The following CFAP299 variants were observed in gnomAD, a reference collection of about 807,000 sequenced individuals.
The protein encoded by CFAP299 is cilia- and flagella-associated protein 299.
CFAP299 carries 21 observed loss-of-function variants against 27.0 expected under a neutral mutation model. The observed-to-expected ratio is 0.78, with a 90% confidence interval of 0.55 to 1.12. The LOEUF (loss-of-function observed/expected upper bound fraction) is 1.12, where lower values mean the gene tolerates loss of function less well. Among genes scored for constraint, CFAP299 ranks in the 50% most tolerant of loss-of-function variants. The pLI, the probability that CFAP299 is intolerant of heterozygous loss-of-function variation, is 0.00. For synonymous variants in CFAP299, 104 were observed against 98.1 expected (o/e 1.06, Z -0.36); for missense variants, 310 against 276.6 (o/e 1.12, Z -0.86).
At chr4:80,410,417 G>T (rs1269093962) in intron 2 of CFAP299, among the ~76,000 whole-genome samples, 2 of 152,200 alleles carry the variant, frequency 1.3e-5, no homozygotes, top group African/African-American at 4.8e-5. Flanking sequence ...CTATGCATGT[G>T]TTTTTCACCC....
At chr4:80,565,151 A>C (rs1003858505) in intron 2 of CFAP299, among the ~76,000 whole-genome samples, 2 of 151,998 alleles carry the variant, frequency 1.3e-5, no homozygotes, top group Non-Finnish European at 2.9e-5. Flanking sequence ...TTCCAAGCAT[A>C]TACTGGCAAA....
At chr4:80,693,135 T>C (rs1720843927) in intron 3 of CFAP299, among the ~76,000 whole-genome samples, 2 of 149,236 alleles carry the variant, frequency 1.3e-5, no homozygotes, top group South Asian at 4.3e-4. Flanking sequence ...GAAGTCAGTG[T>C]GGGCGATTCC....
At chr4:80,577,397 ATT>A (rs34922224) in intron 2 of CFAP299, among the ~76,000 whole-genome samples, 1,934 of 98,694 alleles carry the variant, frequency 0.02, 14 homozygotes, top group African/African-American at 0.07. Flanking sequence ...ATTAGAAAAC[ATT>A]TTTTTTTTTT....
chr4:80,325,345 C>A, the CFAP299 span, among the ~76,000 whole-genome samples: 1 of 152,290 alleles, frequency 6.6e-6, no homozygotes, highest in African/African-American at 2.4e-5. Context: ...ATCATTTTGG[C>A]AAGTGATAAT....
intron 2 of CFAP299, among the ~76,000 whole-genome samples, chr4:80,566,036 G>T (rs1042990452): frequency 4.6e-5 from 7 of 151,974 alleles, no homozygotes; most frequent in Admixed American, 6.6e-5. Flanking sequence ...TGTGGCCAGG[G>T]TATTAAGGTG....
intron 4 of CFAP299, chr4:80,871,416 G>C (rs969649326): frequency 4.1e-6 from 4 of 985,242 alleles, no homozygotes; most frequent in Non-Finnish European, 4.8e-6. Context: ...GAAATTTTAG[G>C]AAATTTCACA....
At chr4:80,800,376 A>AT (rs1464686357) in intron 3 of CFAP299, among the ~76,000 whole-genome samples, 3 of 65,428 alleles carry the variant, frequency 4.6e-5, no homozygotes, top group Non-Finnish European at 7.2e-5. Flanking sequence ...TATAATATAT[A>AT]TAATATATAA....
intron 2 of CFAP299, among the ~76,000 whole-genome samples, chr4:80,449,624 T>C (rs1469873553): frequency 6.6e-6 from 1 of 151,730 alleles, no homozygotes; most frequent in East Asian, 1.9e-4. Context: ...ATGATCATGT[T>C]ATATTTATAT....
chr4:80,685,400 T>A (rs1720117471), intron 3 of CFAP299, among the ~76,000 whole-genome samples: 1 of 152,130 alleles, frequency 6.6e-6, no homozygotes, highest in Non-Finnish European at 1.5e-5. Context: ...GCTTGGGAAC[T>A]GAAACCTTGC....
At chr4:80,438,628 G>C (rs1728205584) in intron 2 of CFAP299, among the ~76,000 whole-genome samples, 2 of 152,108 alleles carry the variant, frequency 1.3e-5, no homozygotes, top group Non-Finnish European at 2.9e-5. Context: ...TCATCTGTCT[G>C]TTTTTAAAAT....
At chr4:80,493,479 T>A (rs989324915) in intron 2 of CFAP299, among the ~76,000 whole-genome samples, 1 of 152,072 alleles carries the variant, frequency 6.6e-6, no homozygotes, top group Non-Finnish European at 1.5e-5. Context: ...AGATAGCAGG[T>A]AATTGGAATG....
intron 3 of CFAP299, among the ~76,000 whole-genome samples, chr4:80,773,506 C>A (rs890984408): frequency 2.0e-5 from 3 of 152,092 alleles, no homozygotes; most frequent in Non-Finnish European, 2.9e-5. Context: ...AAAAACCCAT[C>A]TGATGTCTGC....
intron 3 of CFAP299, among the ~76,000 whole-genome samples, chr4:80,805,486 C>T (rs1450930609): frequency 1.3e-5 from 2 of 152,030 alleles, no homozygotes; most frequent in African/African-American, 4.8e-5. Flanking sequence ...AATGAAGTAG[C>T]AATTAACTTG....
At chr4:80,875,664 CA>C (rs199860402) in intron 4 of CFAP299, among the ~76,000 whole-genome samples, 1,887 of 90,742 alleles carry the variant, frequency 0.021, 23 homozygotes, top group African/African-American at 0.051. Context: ...AACTCTGTCT[CA>C]AAAAAAAAAA....
chr4:80,521,320 T>C lies in CFAP299; in HGVS notation c.243-61773T>C, dbSNP rs188822722. Among the ~76,000 whole-genome samples the C allele has an allele frequency of 5.1e-3, 773 of 152,292 alleles. 5 individuals are homozygous for C. Among genetic ancestry groups the C allele is most frequent in the Middle Eastern group, 0.017 (5 of 294 alleles). On this transcript the variant is annotated intron_variant, in intron 2 of 5. Coordinates refer to ENST00000358105, the MANE Select transcript of CFAP299 (RefSeq NM_152770.3). ...TCTCATTCTTATATGGCTATCATAATATTGATGTTCACTTAAATATTTGAT... is the reference window on the plus strand; with the variant it reads ...TCTCATTCTTATATGGCTATCATAACATTGATGTTCACTTAAATATTTGAT...
At chr4:80,817,054 T>C (rs1462030256) in intron 3 of CFAP299, among the ~76,000 whole-genome samples, 1 of 152,134 alleles carries the variant, frequency 6.6e-6, no homozygotes, top group Non-Finnish European at 1.5e-5. Context: ...CAAGAATTAC[T>C]TTCTGCCAAA....
chr4:80,512,425 G>A (rs1732354740), intron 2 of CFAP299, among the ~76,000 whole-genome samples: 1 of 152,060 alleles, frequency 6.6e-6, no homozygotes, highest in Admixed American at 6.6e-5. Context: ...GCCGCAACAT[G>A]CTTATGAAGC....
chr4:80,881,516 T>G (rs528440671), intron 4 of CFAP299, among the ~76,000 whole-genome samples: 76 of 152,236 alleles, frequency 5.0e-4, no homozygotes, highest in African/African-American at 1.8e-3. Flanking sequence ...GGAAGAAAGT[T>G]TCCAGTAAGT....
intron 4 of CFAP299, among the ~76,000 whole-genome samples, chr4:80,880,678 A>G (rs1354544903): frequency 6.6e-6 from 1 of 152,168 alleles, no homozygotes; most frequent in Non-Finnish European, 1.5e-5. Flanking sequence ...GTGCGCCAAG[A>G]TCACACCACC....
Sources: gnomAD v4.1 joint callset for allele counts (sites outside exome capture counted in the v4.1 genomes callset) on GRCh38, gnomAD v4.1.1 for gene constraint, MANE v1.5 for transcripts, NCBI Gene and HGNC (gene_info 2026-07-23, HGNC 2026-07-21) for gene names.